Variants in ZNF573 observed in about 807,000 individuals in gnomAD.
ZNF573 encodes the protein zinc finger protein 573.
In ZNF573, 41 loss-of-function variants were observed where a neutral mutation model predicts 57.4. That is an observed-to-expected ratio of 0.71 (90% CI 0.56 to 0.93). The LOEUF is 0.93. Ranked by LOEUF, ZNF573 falls within the 40% of genes least tolerant of loss-of-function variation. The pLI, the probability that ZNF573 is intolerant of heterozygous loss-of-function variation, is 0.00. For synonymous variants in ZNF573, 249 were observed against 261.0 expected, an observed-to-expected ratio of 0.95 and a Z score of 0.44; for missense variants, 730 against 794.8, an observed-to-expected ratio of 0.92 and a Z score of 0.98.
intron 4 of ZNF573, among the ~76,000 whole-genome samples, chr19:37,764,189 T>G (rs2045578926): frequency 6.6e-6 from 1 of 152,232 alleles, no homozygotes; most frequent in African/African-American, 2.4e-5. Context: ...GACAGAAAAT[T>G]TCAATTAAAC....
chr19:37,754,786 C>T (rs2145299907), intron 4 of ZNF573, among the ~76,000 whole-genome samples: 1 of 151,532 alleles, frequency 6.6e-6, no homozygotes, highest in African/African-American at 2.4e-5. Context: ...ACAAAATAGA[C>T]CAAATGGCAC....
chr19:37,756,162 T>C (rs570909944), intron 4 of ZNF573, among the ~76,000 whole-genome samples: 1 of 152,190 alleles, frequency 6.6e-6, no homozygotes, highest in South Asian at 2.1e-4. Context: ...TTATTTTACC[T>C]AGGATCAATG....
At chr19:37,770,832 TTATATATATA>T (rs58757674) in intron 3 of ZNF573, among the ~76,000 whole-genome samples, 3,369 of 93,696 alleles carry the variant, frequency 0.036, 207 homozygotes, top group Middle Eastern at 0.068. Context: ...TTAAGTTATT[TTATATATATA>T]TATATATATA....
rs2045281110 is a variant in ZNF573 at position 37,738,377 on chromosome 19, C to T, written c.*115G>A. ...TGAATGCTTTCTAATGTGGCAAGAT[C>T]TGCATTTTGAACTCTCTCAATTGCT... On this transcript the variant is annotated 3_prime_UTR_variant, in exon 5 of 5. Coordinates refer to ENST00000536220, the MANE Select transcript of ZNF573 (RefSeq NM_001172690.2). The T allele has an allele frequency of 8.8e-7, 1 of 1,135,210 alleles. No homozygotes were observed. The highest frequency in any genetic ancestry group is 2.8e-5 in the East Asian group (1 of 36,036). The allele number at this position is 1,135,210 out of a possible 1,614,324, so 70.3% of individuals were successfully genotyped here.
intron 4 of ZNF573, among the ~76,000 whole-genome samples, chr19:37,752,162 T>C (rs1224107388): frequency 1.3e-5 from 2 of 152,090 alleles, no homozygotes; most frequent in Admixed American, 1.3e-4. Flanking sequence ...CAAAGGAGTC[T>C]CTTTAGCAAT....
intron 4 of ZNF573, among the ~76,000 whole-genome samples, chr19:37,760,007 T>C (rs764925285): frequency 6.6e-6 from 1 of 152,214 alleles, no homozygotes; most frequent in African/African-American, 2.4e-5. Flanking sequence ...AAGACTGACA[T>C]TGTTCACATA....
At position 37,738,434 on chromosome 19, in the gene ZNF573, A is replaced by C; in HGVS notation, c.*58T>G. ...ATACCTATAAGACTAACATTCCATCATTTCTCACCAGTGTGGGCTGTCTGA... is the reference window on the plus strand; with the variant it reads ...ATACCTATAAGACTAACATTCCATCCTTTCTCACCAGTGTGGGCTGTCTGA... On this transcript the variant is annotated 3_prime_UTR_variant, in exon 5 of 5. Coordinates refer to ENST00000536220, the MANE Select transcript of ZNF573 (RefSeq NM_001172690.2). 6.8e-7 allele frequency: 1 copy of C among 1,463,936 alleles called. No homozygotes were observed. Among genetic ancestry groups the C allele is most frequent in the Non-Finnish European group, 9.0e-7 (1 of 1,106,968 alleles). 90.7% of individuals were successfully genotyped at this position (1,463,936 alleles called of 1,614,324 possible).
At chr19:37,754,514 C>A (rs1599692485) in intron 4 of ZNF573, among the ~76,000 whole-genome samples, 4 of 121,636 alleles carry the variant, frequency 3.3e-5, no homozygotes, top group East Asian at 2.3e-4. Context: ...AGTGAGACTC[C>A]ACCTCAAAAA....
At chr19:37,756,852 T>C (rs1191673700) in intron 4 of ZNF573, among the ~76,000 whole-genome samples, 1 of 151,966 alleles carries the variant, frequency 6.6e-6, no homozygotes, top group East Asian at 1.9e-4. Flanking sequence ...TATACAGTCA[T>C]ATATATAGCA....
At chr19:37,765,196 T>C (rs1009590533) in intron 4 of ZNF573, among the ~76,000 whole-genome samples, 1 of 151,848 alleles carries the variant, frequency 6.6e-6, no homozygotes, top group Non-Finnish European at 1.5e-5. Context: ...CCCAGTCACT[T>C]ACAGATTTTT....
chr19:37,768,952 C>T (rs185511365), intron 4 of ZNF573, among the ~76,000 whole-genome samples: 220 of 151,124 alleles, frequency 1.5e-3, no homozygotes, highest in Middle Eastern at 7.0e-3. Context: ...AGGCGTGAGC[C>T]GCTGCGCCCG....
intron 4 of ZNF573, among the ~76,000 whole-genome samples, chr19:37,758,237 A>G (rs1362024614): frequency 2.1e-5 from 2 of 97,166 alleles, no homozygotes; most frequent in African/African-American, 8.5e-5. Context: ...ATATATATAT[A>G]TATATATATA....
At position 37,738,407 on chromosome 19, in the gene ZNF573, C is replaced by G. The variant is rs1197432396; in HGVS notation, c.*85G>C. Reference sequence around the variant, plus strand: ...TTTTGAACTCTCTCAATTGCTAAAGCCATACCTATAAGACTAACATTCCAT... The same window carrying G: ...TTTTGAACTCTCTCAATTGCTAAAGGCATACCTATAAGACTAACATTCCAT... On this transcript the variant is annotated 3_prime_UTR_variant, in exon 5 of 5. Transcript: ENST00000536220. 5.0e-6 allele frequency: 7 copies of G among 1,396,424 alleles called. No individual in the cohort carries two copies. Among genetic ancestry groups the G allele is most frequent in the Non-Finnish European group, 6.6e-6 (7 of 1,063,188 alleles). 86.5% of individuals were successfully genotyped at this position (1,396,424 alleles called of 1,614,324 possible). A position where few individuals can be genotyped will look rare whatever the true frequency, so the allele number is the denominator to read the frequency against.
At chr19:37,746,587 GT>G (rs1012452957) in intron 4 of ZNF573, among the ~76,000 whole-genome samples, 5 of 148,214 alleles carry the variant, frequency 3.4e-5, no homozygotes, top group East Asian at 2.0e-4. Context: ...CCCAGACCTT[GT>G]TTTTTTTTTG....
intron 4 of ZNF573, among the ~76,000 whole-genome samples, chr19:37,766,679 G>A (rs1293814499): frequency 6.6e-6 from 1 of 152,134 alleles, no homozygotes; most frequent in African/African-American, 2.4e-5. Context: ...CTGCCTCTGA[G>A]ATACTATATA....
rs552810180 is a variant in ZNF573, at chr19:37,744,136, AGAC to A, written c.296-3945_296-3943del. 9.9e-5 allele frequency among the ~76,000 whole-genome samples: 15 copies of A among 152,168 alleles called. No individual in the cohort carries two copies. In the East Asian group the frequency reaches 2.9e-3, roughly 29 times the overall value. On this transcript the variant is annotated intron_variant, in intron 4 of 4. Coordinates refer to ENST00000536220, the MANE Select transcript of ZNF573 (RefSeq NM_001172690.2). ...TTTTTTAGAAGAAAGGAAAAAAAAA[AGAC>A]TACTGATGTCACACAGATACACCAA...
At chr19:37,743,627 C>T (rs1458069148) in intron 4 of ZNF573, among the ~76,000 whole-genome samples, 11 of 152,156 alleles carry the variant, frequency 7.2e-5, no homozygotes, top group East Asian at 1.9e-4. Context: ...ACCCAGCAAT[C>T]CCACTACTGG....
intron 3 of ZNF573, 105 bp downstream of exon 3, chr19:37,771,459 A>C: frequency 3.8e-6 from 5 of 1,325,500 alleles, no homozygotes; most frequent in Non-Finnish European, 5.2e-6. Context: ...AAGAACAGGA[A>C]GGAGAAATTC....
chr19:37,748,808 T>C (rs1260627513), intron 4 of ZNF573, among the ~76,000 whole-genome samples: 1 of 151,364 alleles, frequency 6.6e-6, no homozygotes, highest in Non-Finnish European at 1.5e-5. Flanking sequence ...GCGCCTGTAG[T>C]CCCAGCTAAC....
Sources: gnomAD v4.1 joint callset for allele counts (sites outside exome capture counted in the v4.1 genomes callset) on GRCh38, gnomAD v4.1.1 for gene constraint, MANE v1.5 for transcripts, NCBI Gene and HGNC (gene_info 2026-07-23, HGNC 2026-07-21) for gene names.